The following FBP1 variants were observed in gnomAD, a reference collection of about 807,000 sequenced individuals.
The protein encoded by FBP1 is fructose-bisphosphatase 1.
In FBP1, 22 loss-of-function variants were observed where a neutral mutation model predicts 29.9. The ratio of observed to expected loss-of-function variants is 0.74; its 90% CI spans 0.53 to 1.05. The LOEUF is 1.05. FBP1 is among the 50% of genes least tolerant of loss of function. The pLI, the probability that FBP1 is intolerant of heterozygous loss-of-function variation, is 0.00. For missense variants in FBP1, 345 were observed against 448.2 expected, an observed-to-expected ratio of 0.77 and a Z score of 2.08; for synonymous variants, 175 against 178.6, an observed-to-expected ratio of 0.98 and a Z score of 0.16.
chr9:94,633,743 C>A (rs1342119889), intron 1 of FBP1, among the ~76,000 whole-genome samples: 3 of 151,768 alleles, frequency 2.0e-5, no homozygotes, highest in Non-Finnish European at 2.9e-5. Flanking sequence ...CTCCCTATGT[C>A]GCCCAGGCTG....
rs935170687 is a variant in FBP1, at chr9:94,607,024, C to T, written c.568-72G>A. On this transcript the variant is annotated intron_variant, in intron 4 of 6. Coordinates refer to ENST00000375326, the MANE Select transcript of FBP1 (RefSeq NM_000507.4). The stretch of plus-strand genomic sequence containing the variant: ...GTCCCCCAGGCCTGGATGAGGCGAG[C>T]GATGGGCTGGGCTACGCTGGGCTGG... 1.3e-4 allele frequency: 214 copies of T among 1,601,642 alleles called. No individual in the cohort carries two copies. The East Asian group carries it at 1.6e-3, about 12-fold the overall frequency.
chr9:94,638,086 C>CAA (rs11308338), intron 1 of FBP1, among the ~76,000 whole-genome samples: 3 of 110,206 alleles, frequency 2.7e-5, no homozygotes, highest in African/African-American at 9.3e-5. Context: ...AATTCCATCT[C>CAA]AAAAAAAAAA....
intron 3 of FBP1, among the ~76,000 whole-genome samples, chr9:94,610,444 C>T (rs977636145): frequency 2.0e-5 from 3 of 152,246 alleles, no homozygotes; most frequent in Non-Finnish European, 4.4e-5. Flanking sequence ...TAAATTAACA[C>T]TGGGCTGCAG....
chr9:94,615,353 A>G (rs1827848017), intron 3 of FBP1, among the ~76,000 whole-genome samples: 1 of 151,964 alleles, frequency 6.6e-6, no homozygotes, highest in Non-Finnish European at 1.5e-5. Flanking sequence ...AATGTCTCTC[A>G]ATTTCCCAGG....
intron 3 of FBP1, among the ~76,000 whole-genome samples, chr9:94,616,644 A>G (rs1438416731): frequency 6.6e-6 from 1 of 151,430 alleles, no homozygotes; most frequent in Non-Finnish European, 1.5e-5. Context: ...GTGTTAGCCA[A>G]GGCAGTCTCA....
chr9:94,614,279 G>A (rs1323270159), intron 3 of FBP1, among the ~76,000 whole-genome samples: 1 of 151,254 alleles, frequency 6.6e-6, no homozygotes, highest in Non-Finnish European at 1.5e-5. Context: ...GGTGGCTCAC[G>A]CCTGTAATTC....
At position 94,606,946 on chromosome 9, in the gene FBP1, C is replaced by T. The variant is rs536276314; in HGVS notation, c.574G>A (p.Gly192Arg). 3 of 1,614,102 alleles carry T rather than the reference C, an allele frequency of 1.9e-6. No homozygotes were observed. The highest frequency in any genetic ancestry group is 2.2e-5 in the East Asian group (1 of 44,882). The change falls in exon 5 of 7, where the codon GGG becomes AGG. Residue 192 changes from glycine (G) to arginine (R), a missense_variant. Transcript: ENST00000375326. The part of the protein sequence containing the change: ...VNCFMLDPAI[G>R]EFILVDKDVK... ...TCCTTGTCCACCAAAATGAACTCCC[C>T]GATGGCCTTTTTAGACAAGGAAGGA...
rs1563991822 is a variant in FBP1 at position 94,639,389 on chromosome 9, A to AG, written c.-80dup. The stretch of plus-strand genomic sequence containing the variant: ...GCAGGTGCGGGCGGCAAGAGAGGGC[A>AG]GTAGGCACTGGCCGCAGGTGCGGAG... On this transcript the variant is annotated 5_prime_UTR_variant, in exon 1 of 7. Coordinates refer to ENST00000375326, the MANE Select transcript of FBP1 (RefSeq NM_000507.4). The AG allele has an allele frequency of 8.0e-5, 120 of 1,493,548 alleles. No individual in the cohort carries two copies. The South Asian group carries it at 1.3e-3, about 16-fold the overall frequency. The allele number at this position is 1,493,548 out of a possible 1,614,324, so 92.5% of individuals were successfully genotyped here.
At chr9:94,621,313 G>A (rs915002679) in intron 1 of FBP1, among the ~76,000 whole-genome samples, 47 of 151,626 alleles carry the variant, frequency 3.1e-4, no homozygotes, top group African/African-American at 1.1e-3. Context: ...GGAGAATGGC[G>A]TGAACCCGGG....
At chr9:94,629,141 C>T (rs912762925) in intron 1 of FBP1, among the ~76,000 whole-genome samples, 3 of 152,146 alleles carry the variant, frequency 2.0e-5, no homozygotes, top group African/African-American at 7.2e-5. Flanking sequence ...GCCACCACAC[C>T]TGGCTAATTT....
intron 1 of FBP1, 27 bp downstream of exon 1, chr9:94,639,114 G>A: frequency 6.3e-7 from 1 of 1,575,472 alleles, no homozygotes; most frequent in Non-Finnish European, 8.6e-7. Flanking sequence ...AGACAGGACG[G>A]GGCCCACCGC....
At chr9:94,614,416 T>C (rs1048494640) in intron 3 of FBP1, among the ~76,000 whole-genome samples, 1 of 151,940 alleles carries the variant, frequency 6.6e-6, no homozygotes, top group African/African-American at 2.4e-5. Context: ...GGTGGGCGCC[T>C]GTAGTCCCAG....
rs371966857 is a variant in FBP1, at chr9:94,620,288, C to T, written c.333+41G>A. ...TCAATTATGAAGCTGGGAAGAAGAC[C>T]GGCTACATTAAAACCCTCAATGGTG... is the stretch of plus-strand genomic sequence containing the variant. On this transcript the variant is annotated intron_variant, in intron 2 of 6. Coordinates refer to ENST00000375326, the MANE Select transcript of FBP1 (RefSeq NM_000507.4). The T allele has an allele frequency of 9.3e-6, 15 of 1,605,592 alleles. No homozygotes were observed. In the East Asian group the frequency reaches 1.1e-4, roughly 12 times the overall value.
intron 4 of FBP1, among the ~76,000 whole-genome samples, chr9:94,608,439 G>A (rs1229390613): frequency 1.3e-5 from 2 of 152,174 alleles, no homozygotes; most frequent in African/African-American, 4.8e-5. Context: ...AACAAGAAGG[G>A]ATTGAATGTT....
chr9:94,605,529 A>G lies in FBP1; in HGVS notation c.753T>C (p.Ala251=). 1 of 1,613,952 alleles carries G rather than the reference A, an allele frequency of 6.2e-7. No homozygotes were observed. Among genetic ancestry groups the G allele is most frequent in the African/African-American group, 1.3e-5 (1 of 75,036 alleles). ...YGARYVGSMV[A]DVHRTLVYGG... ...CGTAGACCAGAGTGCGATGAACATC[A>G]GCCACCATGGAGCCCACATACCGGG... The change falls in exon 6 of 7, where the codon GCT becomes GCC. Residue 251 remains alanine, a synonymous_variant. Coordinates refer to ENST00000375326, the MANE Select transcript of FBP1 (RefSeq NM_000507.4).
chr9:94,610,423 C>T (rs1827767811), intron 3 of FBP1, among the ~76,000 whole-genome samples: 1 of 152,230 alleles, frequency 6.6e-6, no homozygotes, highest in Non-Finnish European at 1.5e-5. Context: ...CCTACTCCAT[C>T]TTTATTTAAA....
intron 1 of FBP1, among the ~76,000 whole-genome samples, chr9:94,634,744 C>T (rs928002354): frequency 6.6e-6 from 1 of 152,164 alleles, no homozygotes; most frequent in African/African-American, 2.4e-5. Flanking sequence ...GTATCTAAGC[C>T]TGAATTCACA....
At chr9:94,627,146 C>T (rs1748578706) in intron 1 of FBP1, among the ~76,000 whole-genome samples, 1 of 150,770 alleles carries the variant, frequency 6.6e-6, no homozygotes. Context: ...TGAGATCACG[C>T]AATTGCACTC....
chr9:94,627,232 G>A (rs1302746308), intron 1 of FBP1, among the ~76,000 whole-genome samples: 4 of 151,294 alleles, frequency 2.6e-5, no homozygotes, highest in Non-Finnish European at 5.9e-5. Context: ...GCGGGCGCCT[G>A]TAATCCCAGC....
Sources: gnomAD v4.1 joint callset for allele counts (sites outside exome capture counted in the v4.1 genomes callset) on GRCh38, gnomAD v4.1.1 for gene constraint, MANE v1.5 for transcripts, NCBI Gene and HGNC (gene_info 2026-07-23, HGNC 2026-07-21) for gene names.